The following HOXC5 variants were observed in gnomAD, a reference collection of about 807,000 sequenced individuals.
HOXC5 encodes the protein homeobox C5.
A neutral mutation model predicts 20.1 loss-of-function variants in HOXC5; 19 were observed. The ratio of observed to expected loss-of-function variants is 0.94; its 90% CI spans 0.66 to 1.38. HOXC5 has a LOEUF of 1.38. Ranked by LOEUF, HOXC5 falls within the 40% of genes most tolerant of loss-of-function variation. HOXC5 has a pLI of 0.00. For synonymous variants in HOXC5, 124 were observed against 117.0 expected, an observed-to-expected ratio of 1.06 and a Z score of -0.39; for missense variants, 330 against 300.1, an observed-to-expected ratio of 1.10 and a Z score of -0.74.
At chr12:54,030,049 G>A, upstream of HOXC5, 2 of 1,268,180 alleles carry the variant, frequency 1.6e-6, no homozygotes, top group East Asian at 5.1e-5. Flanking sequence ...ATTTATCACT[G>A]GCACAATTGA....
the HOXC5 span, among the ~76,000 whole-genome samples, chr12:54,026,049 T>C: frequency 1.3e-5 from 2 of 152,190 alleles, no homozygotes; most frequent in African/African-American, 4.8e-5. Context: ...TTGTTGTACA[T>C]TGCAACAATT....
the HOXC5 span, among the ~76,000 whole-genome samples, chr12:54,017,858 C>T: frequency 6.6e-6 from 1 of 151,926 alleles, no homozygotes; most frequent in Non-Finnish European, 1.5e-5. Context: ...GCAAAGTTAG[C>T]CCCCCAACCC....
the HOXC5 span, chr12:54,020,232 A>T: frequency 6.6e-6 from 1 of 152,114 alleles, no homozygotes; most frequent in African/African-American, 2.4e-5. Context: ...TGGCTCAAGG[A>T]CTCTGCACAC....
upstream of HOXC5, among the ~76,000 whole-genome samples, chr12:54,032,436 G>C (rs1467763812): frequency 6.6e-6 from 1 of 152,216 alleles, no homozygotes; most frequent in Non-Finnish European, 1.5e-5. Flanking sequence ...TTCTACCTTT[G>C]GTTTAGGGAA....
At chr12:54,032,890 G>C (rs1346353338), upstream of HOXC5, 11 of 390,794 alleles carry the variant, frequency 2.8e-5, no homozygotes, top group Non-Finnish European at 5.0e-5. Flanking sequence ...GCTTTTCGCC[G>C]GCTTCCATCA....
chr12:54,034,333 C>T lies in HOXC5; in HGVS notation c.510C>T (p.Leu170=). 1.2e-6 allele frequency: 2 copies of T among 1,614,178 alleles called. No homozygotes were observed. The highest frequency in any genetic ancestry group is 2.2e-5 in the South Asian group (2 of 91,088). ...ACACGCGCTACCAGACTCTGGAACT[C>T]GAGAAAGAATTCCACTTTAACCGCT... is the stretch of plus-strand genomic sequence containing the variant. ...TSYTRYQTLE[L]EKEFHFNRYL... is the part of the protein sequence containing the mutation. Residue 170 remains leucine (L), a synonymous_variant, in exon 2 of 2, where the codon CTC becomes CTT. Coordinates refer to ENST00000312492, the MANE Select transcript of HOXC5 (RefSeq NM_018953.4).
the HOXC5 span, among the ~76,000 whole-genome samples, chr12:54,027,835 T>C: frequency 2.0e-5 from 3 of 152,146 alleles, no homozygotes; most frequent in East Asian, 5.8e-4. Context: ...CCCTACTACA[T>C]TCAAGACTCT....
rs113264704 is a variant in HOXC5, at chr12:54,034,580, G to C, written c.*88G>C. On this transcript the variant is annotated 3_prime_UTR_variant, in exon 2 of 2. Coordinates refer to ENST00000312492, the MANE Select transcript of HOXC5 (RefSeq NM_018953.4). ...TTCGCCTTTCCTCTCTATATTTCGG[G>C]TCGGGGGCAGGTGCTGGAGCACTGG... The C allele has an allele frequency of 8.5e-3, 9,846 of 1,153,558 alleles. 614 individuals are homozygous for C. In the African/African-American group the frequency reaches 0.13, roughly 16 times the overall value. 71.5% of individuals were successfully genotyped at this position (1,153,558 alleles called of 1,614,324 possible).
At chr12:54,033,881 C>A (rs540730920) in intron 1 of HOXC5, 32 of 411,426 alleles carry the variant, frequency 7.8e-5, no homozygotes, top group South Asian at 5.6e-4. Flanking sequence ...GATCCCCCCG[C>A]GGCTCCCTCC....
the HOXC5 span, among the ~76,000 whole-genome samples, chr12:54,026,680 C>A: frequency 6.6e-6 from 1 of 152,202 alleles, no homozygotes; most frequent in Non-Finnish European, 1.5e-5. Context: ...AACCCCCTAA[C>A]GAGGTTCATG....
At chr12:54,025,225 C>G in the HOXC5 span, among the ~76,000 whole-genome samples, 34 of 152,282 alleles carry the variant, frequency 2.2e-4, no homozygotes, top group African/African-American at 7.2e-4. Flanking sequence ...AATAAAACAT[C>G]TGTTCTTGCT....
chr12:54,034,554 T>C lies in HOXC5; in HGVS notation c.*62T>C. The C allele has an allele frequency of 7.2e-7, 1 of 1,388,176 alleles. No homozygotes were observed. The highest frequency in any genetic ancestry group is 1.0e-6 in the Non-Finnish European group (1 of 987,526). The allele number at this position is 1,388,176 out of a possible 1,614,324, so 86.0% of individuals were successfully genotyped here. Reference sequence around the variant, plus strand: ...CGGTTCCTGTCCCTGCGCCTTTCCTTTTCGCCTTTCCTCTCTATATTTCGG... The same window carrying C: ...CGGTTCCTGTCCCTGCGCCTTTCCTCTTCGCCTTTCCTCTCTATATTTCGG... On this transcript the variant is annotated 3_prime_UTR_variant, in exon 2 of 2. Transcript: ENST00000312492.
chr12:54,031,902 A>C (rs1941002490), upstream of HOXC5, among the ~76,000 whole-genome samples: 1 of 152,148 alleles, frequency 6.6e-6, no homozygotes, highest in Admixed American at 6.5e-5. Context: ...GTAGCTCAGA[A>C]ATTGCTCTCT....
chr12:54,028,286 A>C, upstream of HOXC5: 1 of 337,728 alleles, frequency 3.0e-6, no homozygotes, highest in Non-Finnish European at 5.4e-6. Context: ...AAGAAATCCA[A>C]GTCTTACTTT....
upstream of HOXC5, among the ~76,000 whole-genome samples, chr12:54,032,090 C>T (rs1941006970): frequency 6.6e-6 from 1 of 152,222 alleles, no homozygotes; most frequent in Admixed American, 6.5e-5. Context: ...GGCATAGGTA[C>T]CACATAAGGA....
upstream of HOXC5, among the ~76,000 whole-genome samples, chr12:54,031,079 G>C (rs575882456): frequency 1.3e-5 from 2 of 152,260 alleles, no homozygotes; most frequent in African/African-American, 2.4e-5. Flanking sequence ...ATTTTGTTGC[G>C]GGGGGAGCTG....
chr12:54,031,456 CCTT>C (rs1180104618), upstream of HOXC5, among the ~76,000 whole-genome samples: 2 of 152,202 alleles, frequency 1.3e-5, no homozygotes, highest in African/African-American at 4.8e-5. Flanking sequence ...GGACAAAATT[CCTT>C]CTTCATTACA....
the HOXC5 span, among the ~76,000 whole-genome samples, chr12:54,025,374 G>A: frequency 1.3e-5 from 2 of 152,100 alleles, no homozygotes; most frequent in Non-Finnish European, 2.9e-5. Context: ...CATGAAATGG[G>A]AAAAAGAAAA....
chr12:54,020,054 TCTC>T, the HOXC5 span: 2 of 152,288 alleles, frequency 1.3e-5, no homozygotes, highest in Non-Finnish European at 2.9e-5. Flanking sequence ...TTCTTTCCCT[TCTC>T]CTTCTTTCTC....
Sources: allele counts gnomAD v4.1 joint callset (sites outside exome capture counted in the v4.1 genomes callset), GRCh38; gene constraint gnomAD v4.1.1; transcripts MANE v1.5; gene names NCBI Gene and HGNC (gene_info 2026-07-23, HGNC 2026-07-21).